The following PAQR5 variants were observed in gnomAD, a reference collection of about 807,000 sequenced individuals.
PAQR5 encodes the protein membrane progestin receptor gamma.
PAQR5 carries 20 observed loss-of-function variants against 34.5 expected under a neutral mutation model. That is an observed-to-expected ratio of 0.58 (90% CI 0.41 to 0.84). The LOEUF is 0.84. PAQR5 is among the 40% of genes least tolerant of loss of function. PAQR5 has a pLI of 0.00. For synonymous variants in PAQR5, 131 were observed against 155.6 expected (o/e 0.84, Z 1.18); for missense variants, 378 against 412.7 (o/e 0.92, Z 0.73).
At chr15:69,348,697 T>A (rs999506633) in intron 2 of PAQR5, among the ~76,000 whole-genome samples, 1 of 150,608 alleles carries the variant, frequency 6.6e-6, no homozygotes, top group African/African-American at 2.5e-5. Flanking sequence ...GTTTTTCCGA[T>A]CTGATACTCA....
At position 69,385,791 on chromosome 15, in the gene PAQR5, CACAT is replaced by C. The variant is rs371314901; in HGVS notation, c.385+913_385+916del. 3.6e-4 allele frequency among the ~76,000 whole-genome samples: 54 copies of C among 151,998 alleles called. No homozygotes were observed. Among genetic ancestry groups the C allele is most frequent in the African/African-American group, 1.3e-3 (54 of 41,436 alleles). On this transcript the variant is annotated intron_variant, in intron 5 of 8. Transcript: ENST00000395407. The surrounding 1 kb of genome is among the most constrained non-coding windows in gnomAD (Gnocchi z 4.7). Reference sequence around the variant, plus strand: ...ATGCACTGACACACACTGACACACACACATACAATGCACTCACACATGCACATAC... The same window carrying C: ...ATGCACTGACACACACTGACACACACACAATGCACTCACACATGCACATAC...
intron 3 of PAQR5, among the ~76,000 whole-genome samples, chr15:69,373,006 T>A (rs1203268840): frequency 6.6e-6 from 1 of 152,154 alleles, no homozygotes; most frequent in Non-Finnish European, 1.5e-5. Flanking sequence ...TTGGGGAGAA[T>A]GTCTCCTTAC....
chr15:69,392,291 T>C (rs2056297545), intron 6 of PAQR5: 1 of 152,344 alleles, frequency 6.6e-6, no homozygotes, highest in South Asian at 2.1e-4. Context: ...ATTACTTTCT[T>C]CTAGCCAGGA....
chr15:69,363,367 G>A (rs925468641), intron 3 of PAQR5, among the ~76,000 whole-genome samples: 3 of 152,060 alleles, frequency 2.0e-5, no homozygotes, highest in African/African-American at 7.2e-5. Flanking sequence ...GGTCATTAAA[G>A]ATGTGAACAA....
At chr15:69,300,590 C>CTTCT (rs71147600) in intron 1 of PAQR5, among the ~76,000 whole-genome samples, 2,201 of 41,964 alleles carry the variant, frequency 0.052, 251 homozygotes, top group East Asian at 0.086. Flanking sequence ...TCTTTCTTTC[C>CTTCT]TTCTTTCTTT....
At chr15:69,346,065 G>A (rs1261834412) in intron 2 of PAQR5, among the ~76,000 whole-genome samples, 1 of 152,154 alleles carries the variant, frequency 6.6e-6, no homozygotes, top group Non-Finnish European at 1.5e-5. Flanking sequence ...CATTCAAGAT[G>A]TTTCTAGACC....
At chr15:69,319,907 A>G (rs1174250243) in intron 1 of PAQR5, among the ~76,000 whole-genome samples, 1 of 152,082 alleles carries the variant, frequency 6.6e-6, no homozygotes. Flanking sequence ...CCCTCGCCCC[A>G]CGTCTTCTCT....
chr15:69,383,359 G>GCTCATGGTGGAGGGTGAGT (rs1248041470), intron 4 of PAQR5, among the ~76,000 whole-genome samples: 1 of 145,526 alleles, frequency 6.9e-6, no homozygotes, highest in South Asian at 2.2e-4. Context: ...GAGGGTGAGT[G>GCTCATGGTGGAGGGTGAGT]GGCCTTTGTG....
In PAQR5 at chr15:69,309,370, G is replaced by A. The variant is rs574942736; in HGVS notation, c.-277+10314G>A. Among the ~76,000 whole-genome samples the A allele has an allele frequency of 5.3e-5, 8 of 152,344 alleles. No individual in the cohort carries two copies. The East Asian group carries it at 1.4e-3, about 26-fold the overall frequency. On this transcript the variant is annotated intron_variant, in intron 1 of 8. Transcript: ENST00000395407. ...GCCTGTGGAGCACGAGTAAGTGCAT[G>A]AGGACTGAGAAGTGCCTGGGGATTT... is the stretch of plus-strand genomic sequence containing the variant.
At chr15:69,356,691 G>A (rs1194382407) in intron 2 of PAQR5, among the ~76,000 whole-genome samples, 1 of 152,038 alleles carries the variant, frequency 6.6e-6, no homozygotes, top group East Asian at 1.9e-4. Flanking sequence ...TCTGTTTCTA[G>A]GAATTTGACT....
At chr15:69,343,945 C>T (rs1473722441) in intron 2 of PAQR5, among the ~76,000 whole-genome samples, 3 of 152,190 alleles carry the variant, frequency 2.0e-5, no homozygotes, top group African/African-American at 7.2e-5. Context: ...CCCCAGCAAG[C>T]TGCTCTTCCT....
Position 69,405,156 on chromosome 15 carries a change from G to C in PAQR5, c.*1334G>C, listed in dbSNP as rs2056735855. ...AGTTCAGTATTTCATGGTGTTTTCA[G>C]GGAACACAGAAATGCGGATGCAAAA... On this transcript the variant is annotated 3_prime_UTR_variant, in exon 9 of 9. Coordinates refer to ENST00000395407, the MANE Select transcript of PAQR5 (RefSeq NM_017705.4). 1 of 395,852 alleles carries C rather than the reference G, an allele frequency of 2.5e-6. No homozygotes were observed. Among genetic ancestry groups the C allele is most frequent in the South Asian group, 1.4e-4 (1 of 7,112 alleles). The allele number at this position is 395,852 out of a possible 1,614,324, so 24.5% of individuals were successfully genotyped here.
chr15:69,355,348 C>T (rs796692451), intron 2 of PAQR5, among the ~76,000 whole-genome samples: 12 of 25,624 alleles, frequency 4.7e-4, no homozygotes, highest in African/African-American at 4.7e-4. Flanking sequence ...TTCTTTTTTT[C>T]TTTCTTTCTT....
intron 3 of PAQR5, among the ~76,000 whole-genome samples, chr15:69,372,483 C>T (rs1012950797): frequency 6.6e-6 from 1 of 152,182 alleles, no homozygotes; most frequent in African/African-American, 2.4e-5. Flanking sequence ...ATAGAGGTTG[C>T]AGTGAGCCAA....
chr15:69,382,659 CATATATATATATATATAT>C (rs59064870), intron 4 of PAQR5, among the ~76,000 whole-genome samples: 39,419 of 91,176 alleles, frequency 0.43, 10,588 homozygotes, highest in South Asian at 0.55. Flanking sequence ...AAAAAAAAAG[CATATATATATATATATAT>C]ATATATATAT....
At chr15:69,363,640 A>T (rs887505386) in intron 3 of PAQR5, among the ~76,000 whole-genome samples, 2 of 139,304 alleles carry the variant, frequency 1.4e-5, no homozygotes, top group African/African-American at 5.3e-5. Context: ...TCCGCCTCCC[A>T]GGTTCAAGCG....
chr15:69,308,595 C>T (rs2053766418), intron 1 of PAQR5, among the ~76,000 whole-genome samples: 1 of 152,118 alleles, frequency 6.6e-6, no homozygotes, highest in Admixed American at 6.5e-5. Flanking sequence ...CAAACATTGC[C>T]AAATGTCCAC....
At chr15:69,327,090 T>C (rs2054271306) in intron 1 of PAQR5, among the ~76,000 whole-genome samples, 1 of 152,056 alleles carries the variant, frequency 6.6e-6, no homozygotes, top group African/African-American at 2.4e-5. Context: ...GCTCATGTGA[T>C]TCTCCTGCCT....
intron 1 of PAQR5, among the ~76,000 whole-genome samples, chr15:69,335,814 G>A (rs2054504192): frequency 6.6e-6 from 1 of 152,056 alleles, no homozygotes; most frequent in African/African-American, 2.4e-5. Flanking sequence ...ATGGAAATTT[G>A]TAAAGAGTTC....
Sources: gnomAD v4.1 joint callset for allele counts (sites outside exome capture counted in the v4.1 genomes callset) on GRCh38, gnomAD v4.1.1 for gene constraint, Gnocchi (gnomAD v3.1) non-coding constraint, MANE v1.5 for transcripts, NCBI Gene and HGNC (gene_info 2026-07-23, HGNC 2026-07-21) for gene names.